OSBPL10: variants seen among roughly 807,000 people sequenced by gnomAD.
OSBPL10 encodes oxysterol binding protein like 10, also known as oxysterol-binding protein-related protein 10.
OSBPL10 carries 49 observed loss-of-function variants against 81.7 expected under a neutral mutation model. The ratio of observed to expected loss-of-function variants is 0.60; its 90% confidence interval spans 0.48 to 0.76. The LOEUF is 0.76. OSBPL10 is among the 30% of genes least tolerant of loss of function. The probability of loss-of-function intolerance (pLI) is 0.00; values close to 1 mark genes in which losing one functional copy is unlikely to be tolerated. For synonymous variants in OSBPL10, 419 were observed against 383.6 expected (o/e 1.09, Z -1.08); for missense variants, 923 against 987.8 (o/e 0.93, Z 0.88).
intron 4 of OSBPL10, among the ~76,000 whole-genome samples, chr3:31,796,560 T>G (rs577297766): frequency 3.5e-4 from 54 of 152,294 alleles, no homozygotes; most frequent in African/African-American, 1.3e-3. Flanking sequence ...GCCCCTTTCC[T>G]CTATAAGTCA....
chr3:31,842,447 G>A (rs1025638662), intron 3 of OSBPL10, among the ~76,000 whole-genome samples: 2 of 152,170 alleles, frequency 1.3e-5, no homozygotes, highest in African/African-American at 2.4e-5. Context: ...TGAGCAAGTT[G>A]GCTCTGTGTT....
At chr3:31,818,731 C>T (rs760204491) in intron 4 of OSBPL10, among the ~76,000 whole-genome samples, 2 of 152,194 alleles carry the variant, frequency 1.3e-5, no homozygotes, top group African/African-American at 2.4e-5. Flanking sequence ...CCCAGTGGCC[C>T]TCCTGAGTGG....
chr3:31,756,364 C>A (rs1352607672), intron 4 of OSBPL10, among the ~76,000 whole-genome samples: 1 of 152,174 alleles, frequency 6.6e-6, no homozygotes, highest in Non-Finnish European at 1.5e-5. Flanking sequence ...CATCTGGAAA[C>A]CAGCTTTTTT....
chr3:31,780,152 G>A (rs188239846), intron 4 of OSBPL10, among the ~76,000 whole-genome samples: 2 of 152,254 alleles, frequency 1.3e-5, no homozygotes. Flanking sequence ...GATTAGCCGG[G>A]TGTGGTGGCA....
intron 1 of OSBPL10, among the ~76,000 whole-genome samples, chr3:31,904,235 C>T (rs1696338446): frequency 6.6e-6 from 1 of 152,098 alleles, no homozygotes; most frequent in African/African-American, 2.4e-5. Flanking sequence ...CGCATGAGAT[C>T]CCACGCCTCC....
At chr3:31,905,183 A>G (rs1696367281) in intron 1 of OSBPL10, among the ~76,000 whole-genome samples, 1 of 150,938 alleles carries the variant, frequency 6.6e-6, no homozygotes, top group African/African-American at 2.5e-5. Context: ...GCCTACATAG[A>G]AAGCTTAATT....
intron 9 of OSBPL10, among the ~76,000 whole-genome samples, chr3:31,669,312 A>T (rs778403313): frequency 3.3e-5 from 5 of 152,204 alleles, no homozygotes; most frequent in African/African-American, 7.2e-5. Flanking sequence ...AAAGGAAAAC[A>T]AAATAGCATA....
intron 1 of OSBPL10, among the ~76,000 whole-genome samples, chr3:31,883,542 G>GT (rs59059225): frequency 0.2 from 27,470 of 138,734 alleles, 3,077 homozygotes; most frequent in East Asian, 0.42. Context: ...TTTTTTTGTT[G>GT]TTTTTTTTTT....
At chr3:31,705,586 TC>T (rs1696037907) in intron 6 of OSBPL10, among the ~76,000 whole-genome samples, 1 of 152,220 alleles carries the variant, frequency 6.6e-6, no homozygotes. Context: ...AAAACCTCCT[TC>T]CCTTTCAGGG....
At chr3:32,012,509 C>T (rs1441359982) in intron 2 of OSBPL10, among the ~76,000 whole-genome samples, 3 of 152,286 alleles carry the variant, frequency 2.0e-5, no homozygotes, top group South Asian at 2.1e-4. Flanking sequence ...TAAAGTCCAT[C>T]GATGCTAGGA....
intron 2 of OSBPL10, among the ~76,000 whole-genome samples, chr3:32,015,643 T>C (rs992381198): frequency 1.1e-4 from 17 of 152,242 alleles, no homozygotes; most frequent in Non-Finnish European, 2.9e-5. Flanking sequence ...CAAAAGAAAC[T>C]ACCATCAGAG....
intron 1 of OSBPL10, among the ~76,000 whole-genome samples, chr3:31,895,331 G>T (rs1696023529): frequency 6.6e-6 from 1 of 151,170 alleles, no homozygotes; most frequent in African/African-American, 2.4e-5. Context: ...AGAGATGGGG[G>T]TTTCACCATG....
At chr3:32,048,495 CG>C (rs1699643663) in intron 1 of OSBPL10, among the ~76,000 whole-genome samples, 1 of 151,840 alleles carries the variant, frequency 6.6e-6, no homozygotes, top group African/African-American at 2.4e-5. Context: ...TCAGTAGAGG[CG>C]GGGTTTCACC....
At chr3:31,968,331 G>A (rs903786730) in intron 1 of OSBPL10, among the ~76,000 whole-genome samples, 36 of 151,898 alleles carry the variant, frequency 2.4e-4, no homozygotes, top group African/African-American at 7.7e-4. Context: ...ACTAAGAAAG[G>A]AAGCAAAAAC....
At chr3:31,893,016 C>A (rs1240421640) in intron 1 of OSBPL10, among the ~76,000 whole-genome samples, 2 of 152,102 alleles carry the variant, frequency 1.3e-5, no homozygotes, top group Non-Finnish European at 2.9e-5. Flanking sequence ...AGCCTATGCT[C>A]AGGCACAGGG....
chr3:31,894,962 TG>T (rs1039745616), intron 1 of OSBPL10, among the ~76,000 whole-genome samples: 4 of 152,134 alleles, frequency 2.6e-5, no homozygotes, highest in Non-Finnish European at 4.4e-5. Flanking sequence ...TTTTAGAAGA[TG>T]AATGCAATGG....
chr3:31,872,330 G>A (rs1421186889), intron 3 of OSBPL10, among the ~76,000 whole-genome samples: 1 of 152,180 alleles, frequency 6.6e-6, no homozygotes, highest in East Asian at 1.9e-4. Flanking sequence ...GGAGACCCAG[G>A]TTCCAGTCTT....
In OSBPL10 at chr3:31,668,696, G is replaced by A. The variant is rs1340551178; in HGVS notation, c.2042C>T (p.Pro681Leu). The change falls in exon 10 of 12, where the codon CCA (proline) becomes CTA (leucine). Residue 681 changes from proline to leucine, a missense_variant. Physicochemically the swap from Pro to Leu is moderately conservative, Grantham distance 98 (BLOSUM62 -3). Around this residue, in one of 3 missense-constraint regions of OSBPL10, gnomAD observed 387 missense variants for 436.3 expected, o/e 0.89. Transcript: ENST00000396556. ...ETKVIDTTTLPVYPKKIRPLE... is the reference protein window; with the variant it reads ...ETKVIDTTTLLVYPKKIRPLE... The stretch of plus-strand genomic sequence containing the variant: ...AGGTCTGATCTTCTTGGGATACACT[G>A]GCAGTGTGGTTGTGTCGATGACTTT... 6.2e-7 allele frequency: 1 copy of A among 1,614,130 alleles called. No homozygotes were observed. The highest frequency in any genetic ancestry group is 1.1e-5 in the South Asian group (1 of 91,058).
At chr3:31,931,994 A>T (rs1697263071) in intron 1 of OSBPL10, among the ~76,000 whole-genome samples, 1 of 152,136 alleles carries the variant, frequency 6.6e-6, no homozygotes. Context: ...GTGAGCCAAG[A>T]TCATGCCACT....
Sources: gnomAD v4.1 joint callset for allele counts (sites outside exome capture counted in the v4.1 genomes callset) on GRCh38, gnomAD v4.1.1 for gene constraint, gnomAD v4.1.1 regional missense constraint, MANE v1.5 for transcripts, NCBI Gene and HGNC (gene_info 2026-07-23, HGNC 2026-07-21) for gene names.